MACO1: variants seen among roughly 807,000 people sequenced by gnomAD.
MACO1 encodes macoilin 1, also known as macoilin.
A neutral mutation model predicts 78.7 loss-of-function variants in MACO1; 14 were observed. The observed-to-expected ratio is 0.18, with a 90% CI of 0.12 to 0.28. MACO1 has a LOEUF of 0.28. MACO1 is among the 10% of genes least tolerant of loss of function. The pLI, the probability that MACO1 is intolerant of heterozygous loss-of-function variation, is 1.00. For synonymous variants in MACO1, 288 were observed against 291.6 expected, an observed-to-expected ratio of 0.99 and a Z score of 0.12; for missense variants, 501 against 799.0, an observed-to-expected ratio of 0.63 and a Z score of 4.50.
intron 2 of MACO1, 106 bp downstream of exon 2, chr1:25,447,009 T>C: frequency 7.4e-7 from 1 of 1,343,784 alleles, no homozygotes; most frequent in Non-Finnish European, 9.9e-7. Context: ...GCTAATAGGG[T>C]CTGTTAACTG....
At chr1:25,462,086 T>G (rs2043177032) in intron 6 of MACO1, among the ~76,000 whole-genome samples, 2 of 152,182 alleles carry the variant, frequency 1.3e-5, no homozygotes, top group African/African-American at 4.8e-5. Flanking sequence ...CCTGACATGT[T>G]TGAGTTGTTA....
intron 6 of MACO1, among the ~76,000 whole-genome samples, chr1:25,470,711 T>C (rs2043259668): frequency 6.6e-6 from 1 of 152,044 alleles, no homozygotes; most frequent in Non-Finnish European, 1.5e-5. Flanking sequence ...GCAAAACAGA[T>C]TGTATAGTAT....
intron 6 of MACO1, among the ~76,000 whole-genome samples, chr1:25,464,716 A>G (rs34055966): frequency 0.51 from 75,259 of 146,784 alleles, 19,412 homozygotes; most frequent in East Asian, 0.73. Context: ...GGAGTGCAAG[A>G]TGCTATCTCA....
intron 6 of MACO1, among the ~76,000 whole-genome samples, chr1:25,471,341 C>CAAAAA (rs34002682): frequency 8.0e-6 from 1 of 125,166 alleles, no homozygotes. Context: ...TCTGTCTCAA[C>CAAAAA]AAAAAAAAAA....
chr1:25,458,874 A>G lies in MACO1; in HGVS notation c.1136A>G (p.Lys379Arg), dbSNP rs1165337648. 1 of 1,613,362 alleles carries G rather than the reference A, an allele frequency of 6.2e-7. No homozygotes were observed. The highest frequency in any genetic ancestry group is 8.5e-7 in the Non-Finnish European group (1 of 1,179,624). Reference sequence around the variant, plus strand: ...TGTATTCCTAATAACCAGCTAAGCAAACCAGACGCACTGGTCAGGTAAGTG... The same window carrying G: ...TGTATTCCTAATAACCAGCTAAGCAGACCAGACGCACTGGTCAGGTAAGTG... ...ENCIPNNQLS[K>R]PDALVRLEQD... The change falls in exon 6 of 11, where the codon AAA becomes AGA. Residue 379 changes from lysine (K) to arginine (R), a missense_variant. Physicochemically the swap from Lys to Arg is conservative, Grantham distance 26. Coordinates refer to ENST00000374343, the MANE Select transcript of MACO1 (RefSeq NM_018202.6).
intron 1 of MACO1, among the ~76,000 whole-genome samples, chr1:25,435,800 T>C (rs1557656113): frequency 6.6e-6 from 1 of 152,254 alleles, no homozygotes; most frequent in East Asian, 1.9e-4. Flanking sequence ...ATGTTTTCAC[T>C]AACCTGTGCA....
rs777809852 is a variant in MACO1, at chr1:25,484,144, G to T, written c.1183G>T (p.Ala395Ser). The stretch of plus-strand genomic sequence containing the variant: ...GGAACAAGACATTAAAAAGTTAAAG[G>T]CTGACCTGCAAGCCAGCAGACAAGT... ...RLEQDIKKLK[A>S]DLQASRQVEQ... is the part of the protein sequence containing the mutation. The change falls in exon 7 of 11, where the codon GCT becomes TCT. Residue 395 changes from alanine to serine, a missense_variant. Ala to Ser is a moderately conservative substitution (Grantham distance 99). Transcript: ENST00000374343. 2 of 1,613,324 alleles carry T rather than the reference G, an allele frequency of 1.2e-6. No homozygotes were observed. Among genetic ancestry groups the T allele is most frequent in the East Asian group, 2.2e-5 (1 of 44,848 alleles).
rs775985314 is a variant in MACO1 at position 25,485,799 on chromosome 1, T to C, written c.1496+4T>C. 1.0e-5 allele frequency: 16 copies of C among 1,605,176 alleles called. No homozygotes were observed. The highest frequency in any genetic ancestry group is 1.3e-5 in the African/African-American group (1 of 74,324). ...TTGCGTTTGCTGCTGCATCTAGGTA[T>C]GTCCATGTCACCTGAGTGTTTAATC... On this transcript the variant is annotated splice_donor_region_variant and intron_variant, in intron 8 of 10. Transcript: ENST00000374343. The surrounding 1 kb of genome is among the most constrained non-coding windows in gnomAD (Gnocchi z 4.3).
rs371687493 is a variant in MACO1 at position 25,430,941 on chromosome 1, C to G, written c.-158C>G. ...AGGCGGAGGAGGCTCCGAGCCCCCC[C>G]TCCCCGTGCTACCCCCTCCCCCCGG... is the stretch of plus-strand genomic sequence containing the variant. On this transcript the variant is annotated 5_prime_UTR_variant, in exon 1 of 11. Transcript: ENST00000374343. 1,252 of 465,278 alleles carry G rather than the reference C, an allele frequency of 2.7e-3. 10 individuals are homozygous for G. Among genetic ancestry groups the G allele is most frequent in the Non-Finnish European group, 2.9e-3 (749 of 261,772 alleles). 28.8% of individuals were successfully genotyped at this position (465,278 alleles called of 1,614,324 possible). A position where few individuals can be genotyped will look rare whatever the true frequency, so the allele number is the denominator to read the frequency against.
At chr1:25,473,009 G>A (rs992059089) in intron 6 of MACO1, among the ~76,000 whole-genome samples, 2 of 152,124 alleles carry the variant, frequency 1.3e-5, no homozygotes, top group African/African-American at 4.8e-5. Context: ...AAATTATCAA[G>A]TGGGAAAAAA....
chr1:25,444,669 G>A (rs1186093223), intron 1 of MACO1, among the ~76,000 whole-genome samples: 6 of 151,924 alleles, frequency 3.9e-5, no homozygotes, highest in African/African-American at 7.3e-5. Context: ...TCACTGCAGC[G>A]TGGACCTCCC....
intron 6 of MACO1, among the ~76,000 whole-genome samples, chr1:25,478,855 T>TA (rs2043345611): frequency 6.6e-6 from 1 of 152,204 alleles, no homozygotes. Flanking sequence ...TTTGTAAGGG[T>TA]GAAAACTGGT....
Position 25,448,191 on chromosome 1 carries a change from G to A in MACO1, c.223-617G>A, listed in dbSNP as rs981587169. Among the ~76,000 whole-genome samples, 5 of 152,250 alleles carry A rather than the reference G, an allele frequency of 3.3e-5. No individual in the cohort carries two copies. The South Asian group carries it at 6.2e-4, about 19-fold the overall frequency. ...AATTCTAGTTTTTTCAGGGCCAGAC[G>A]TGGTGGTTCACACCTGTAATCCCAG... is the stretch of plus-strand genomic sequence containing the variant. On this transcript the variant is annotated intron_variant, in intron 2 of 10. Transcript: ENST00000374343.
intron 6 of MACO1, among the ~76,000 whole-genome samples, chr1:25,483,199 C>T (rs989459222): frequency 5.9e-5 from 9 of 152,196 alleles, no homozygotes; most frequent in East Asian, 5.8e-4. Context: ...TACAGGCACG[C>T]GCCACCATGC....
chr1:25,441,053 T>G (rs978360442), intron 1 of MACO1, among the ~76,000 whole-genome samples: 5 of 152,198 alleles, frequency 3.3e-5, no homozygotes, highest in African/African-American at 1.2e-4. Context: ...TTATCTTGGT[T>G]GTTGTTGCTT....
intron 6 of MACO1, among the ~76,000 whole-genome samples, chr1:25,467,749 T>G (rs1314447085): frequency 7.3e-6 from 1 of 136,228 alleles, no homozygotes; most frequent in Non-Finnish European, 1.6e-5. Flanking sequence ...TTTTTTTTTT[T>G]GCAAGTAGAA....
intron 6 of MACO1, among the ~76,000 whole-genome samples, chr1:25,459,972 G>A (rs908022719): frequency 2.6e-5 from 4 of 152,244 alleles, no homozygotes; most frequent in African/African-American, 9.6e-5. Context: ...CTTCCAGTAA[G>A]TTATATTCTT....
intron 1 of MACO1, among the ~76,000 whole-genome samples, chr1:25,445,632 A>G (rs1258764115): frequency 6.7e-6 from 1 of 149,922 alleles, no homozygotes; most frequent in Non-Finnish European, 1.5e-5. Flanking sequence ...TTTTCCTCCA[A>G]GTATGTAAGT....
At chr1:25,474,224 C>T (rs903080212) in intron 6 of MACO1, among the ~76,000 whole-genome samples, 3 of 152,112 alleles carry the variant, frequency 2.0e-5, no homozygotes, top group East Asian at 3.9e-4. Context: ...AATATCTTTA[C>T]GTGAAACCTC....
Sources: gnomAD v4.1 joint callset for allele counts (sites outside exome capture counted in the v4.1 genomes callset) on GRCh38, gnomAD v4.1.1 for gene constraint, Gnocchi (gnomAD v3.1) non-coding constraint, MANE v1.5 for transcripts, NCBI Gene and HGNC (gene_info 2026-07-23, HGNC 2026-07-21) for gene names.